DPH5: variants seen among roughly 807,000 people sequenced by gnomAD.
DPH5 encodes diphthine methyl ester synthase.
Under a neutral mutation model 31.6 loss-of-function variants are expected in DPH5, and 31 were observed. The ratio of observed to expected loss-of-function variants is 0.98; its 90% CI spans 0.74 to 1.32. DPH5 has a LOEUF of 1.32. DPH5 is among the 40% of genes most tolerant of loss of function. The pLI is 0.00. For missense variants in DPH5, 309 were observed against 335.7 expected (o/e 0.92, Z 0.62); for synonymous variants, 120 against 115.0 (o/e 1.04, Z -0.28).
chr1:101,022,534 T>G (rs1415531255), intron 2 of DPH5, among the ~76,000 whole-genome samples: 1 of 152,214 alleles, frequency 6.6e-6, no homozygotes, highest in African/African-American at 2.4e-5. Flanking sequence ...TTTTCTTTTT[T>G]TTCATCTCGT....
chr1:100,999,489 A>G (rs1658676307), intron 5 of DPH5, among the ~76,000 whole-genome samples: 1 of 152,174 alleles, frequency 6.6e-6, no homozygotes, highest in Non-Finnish European at 1.5e-5. Context: ...TTTGTTGCTT[A>G]AAATTAAATA....
At chr1:101,008,668 T>C (rs547125307) in intron 4 of DPH5, among the ~76,000 whole-genome samples, 1 of 152,342 alleles carries the variant, frequency 6.6e-6, no homozygotes, top group South Asian at 2.1e-4. Flanking sequence ...TGTGTGTGTG[T>C]TACTGCAATA....
chr1:101,007,640 G>A (rs896623564), intron 4 of DPH5, among the ~76,000 whole-genome samples: 9 of 151,996 alleles, frequency 5.9e-5, no homozygotes, highest in African/African-American at 4.8e-5. Context: ...GCATGAACCC[G>A]GGAGGTGGAG....
intron 4 of DPH5, among the ~76,000 whole-genome samples, chr1:101,002,625 G>A (rs1346016601): frequency 6.6e-6 from 1 of 152,110 alleles, no homozygotes; most frequent in Non-Finnish European, 1.5e-5. Flanking sequence ...ATTTATAATA[G>A]AACTGGTAAG....
At chr1:101,016,253 G>A (rs1040205213) in intron 3 of DPH5, among the ~76,000 whole-genome samples, 1 of 151,744 alleles carries the variant, frequency 6.6e-6, no homozygotes, top group Non-Finnish European at 1.5e-5. Context: ...ACTCGGGAGG[G>A]TGAGGCAGGA....
chr1:100,991,474 T>A (rs1378082117), intron 7 of DPH5, among the ~76,000 whole-genome samples: 1 of 152,134 alleles, frequency 6.6e-6, no homozygotes, highest in East Asian at 1.9e-4. Context: ...CCAATGAGAA[T>A]AAAATAAGCA....
At chr1:100,997,320 T>C (rs1400776794) in intron 5 of DPH5, among the ~76,000 whole-genome samples, 1 of 152,200 alleles carries the variant, frequency 6.6e-6, no homozygotes. Flanking sequence ...TCTATCTGCC[T>C]TTCCAAAGCT....
intron 4 of DPH5, among the ~76,000 whole-genome samples, chr1:101,013,224 T>G (rs1332099297): frequency 1.3e-5 from 2 of 152,188 alleles, no homozygotes; most frequent in African/African-American, 2.4e-5. Flanking sequence ...TGTGGGGCAC[T>G]CTAACCCCTC....
chr1:101,025,385 A>T lies in DPH5; in HGVS notation c.59T>A (p.Leu20Gln). 1 of 1,614,230 alleles carries T rather than the reference A, an allele frequency of 6.2e-7. No homozygotes were observed. The highest frequency in any genetic ancestry group is 8.5e-7 in the Non-Finnish European group (1 of 1,180,022). Residue 20 changes from leucine (L) to glutamine (Q), a missense_variant, in exon 2 of 8, where the codon CTG (leucine) becomes CAG (glutamine). Leu to Gln is a moderately radical substitution (Grantham distance 113). Transcript: ENST00000370109. ...TCGACTGCAGCGTCTAACAACTTCC[A>T]GGCCCTTGACTGTGATGTCCTTGGC... ...GDAKDITVKG[L>Q]EVVRRCSRVY...
chr1:101,000,790 G>T (rs1658801269), intron 5 of DPH5, among the ~76,000 whole-genome samples: 1 of 152,312 alleles, frequency 6.6e-6, no homozygotes, highest in South Asian at 2.1e-4. Context: ...CAGTGCCTCT[G>T]CTAGAAAGAA....
chr1:101,014,848 A>G (rs947746850), intron 3 of DPH5, among the ~76,000 whole-genome samples: 3 of 152,238 alleles, frequency 2.0e-5, no homozygotes, highest in Admixed American at 2.0e-4. Flanking sequence ...CTTCATCAAG[A>G]ATAGATTTCA....
At chr1:101,006,222 TA>T (rs1659223200) in intron 4 of DPH5, among the ~76,000 whole-genome samples, 2 of 152,284 alleles carry the variant, frequency 1.3e-5, no homozygotes, top group Admixed American at 6.5e-5. Context: ...ATGTCTTTAT[TA>T]GAAGCATGAG....
intron 3 of DPH5, among the ~76,000 whole-genome samples, chr1:101,014,761 C>T (rs1659946444): frequency 6.6e-6 from 1 of 152,176 alleles, no homozygotes; most frequent in South Asian, 2.1e-4. Context: ...TCTTCTCAAA[C>T]CCTGCTAGTA....
chr1:101,002,570 G>A (rs1336623676), intron 4 of DPH5, among the ~76,000 whole-genome samples: 2 of 152,126 alleles, frequency 1.3e-5, no homozygotes, highest in Non-Finnish European at 2.9e-5. Flanking sequence ...GAATACTAAA[G>A]TTGTATAAAG....
chr1:101,016,332 C>T (rs1182636846), intron 3 of DPH5, among the ~76,000 whole-genome samples: 1 of 151,942 alleles, frequency 6.6e-6, no homozygotes, highest in Non-Finnish European at 1.5e-5. Flanking sequence ...CCAGCCTGGG[C>T]AACAGAATGA....
At chr1:101,016,347 CCTT>C (rs886972621) in intron 3 of DPH5, among the ~76,000 whole-genome samples, 5 of 151,808 alleles carry the variant, frequency 3.3e-5, no homozygotes, top group Admixed American at 6.6e-5. Flanking sequence ...GAATGAGACT[CCTT>C]CTCAAAAAAA....
In DPH5 at chr1:100,999,403, T is replaced by C. The variant is rs148588168; in HGVS notation, c.490+2064A>G. Among the ~76,000 whole-genome samples, 220 of 152,268 alleles carry C rather than the reference T, an allele frequency of 1.4e-3. 1 individual carries two copies. Among genetic ancestry groups the C allele is most frequent in the Non-Finnish European group, 2.7e-3 (187 of 68,014 alleles). On this transcript the variant is annotated intron_variant, in intron 5 of 7. Coordinates refer to ENST00000370109, the MANE Select transcript of DPH5 (RefSeq NM_015958.3). The stretch of plus-strand genomic sequence containing the variant: ...AGGTTGAGACTGCAGTATGCTGAGA[T>C]TGTGACACTGCACTCCAGCCTGGGA...
chr1:101,007,718 C>T lies in DPH5; in HGVS notation c.369+5992G>A, dbSNP rs555598389. Among the ~76,000 whole-genome samples the T allele has an allele frequency of 3.4e-5, 5 of 145,496 alleles. No homozygotes were observed. In the South Asian group the frequency reaches 1.1e-3, roughly 31 times the overall value. On this transcript the variant is annotated intron_variant, in intron 4 of 7. Transcript: ENST00000370109. ...CGACAGAGCAAGACTCCGTCCCCCC[C>T]GAAAAAAACAAAAAAACAGAAACAA...
chr1:100,990,982 C>A (rs1657640201), intron 7 of DPH5, among the ~76,000 whole-genome samples: 1 of 152,148 alleles, frequency 6.6e-6, no homozygotes. Context: ...TAATAACTTG[C>A]TTGAGATAAT....
Sources: gnomAD v4.1 joint callset for allele counts (sites outside exome capture counted in the v4.1 genomes callset) on GRCh38, gnomAD v4.1.1 for gene constraint, MANE v1.5 for transcripts, NCBI Gene and HGNC (gene_info 2026-07-23, HGNC 2026-07-21) for gene names.